The following MALRD1 variants were observed in gnomAD, a reference collection of about 807,000 sequenced individuals.
MALRD1 encodes the protein MAM and LDL-receptor class A domain-containing protein 1.
MALRD1 carries 247 observed loss-of-function variants against 242.1 expected under a neutral mutation model. That is an observed-to-expected ratio of 1.02 (90% CI 0.92 to 1.13). The LOEUF is 1.13. MALRD1 is among the 50% of genes most tolerant of loss of function. The pLI is 0.00. For missense variants in MALRD1, 2,989 were observed against 2,533.1 expected, an observed-to-expected ratio of 1.18 and a Z score of -3.86; for synonymous variants, 995 against 866.6, an observed-to-expected ratio of 1.15 and a Z score of -2.60.
intron 29 of MALRD1, among the ~76,000 whole-genome samples, chr10:19,469,798 T>A (rs770155562): frequency 2.4e-4 from 36 of 152,174 alleles, no homozygotes; most frequent in Non-Finnish European, 4.7e-4. Flanking sequence ...TTTATTCAAG[T>A]GTGATTGCCA....
intron 36 of MALRD1, among the ~76,000 whole-genome samples, chr10:19,622,177 AAATT>A (rs1323175861): frequency 2.7e-5 from 4 of 147,116 alleles, no homozygotes; most frequent in African/African-American, 9.8e-5. Context: ...TAAGAAAAAA[AAATT>A]ATTAAGAATC....
At chr10:19,058,729 C>T (rs1228008323) in intron 1 of MALRD1, among the ~76,000 whole-genome samples, 1 of 151,932 alleles carries the variant, frequency 6.6e-6, no homozygotes, top group Non-Finnish European at 1.5e-5. Context: ...ACAACTCAAA[C>T]ACACAAAAAG....
chr10:19,365,514 T>C (rs537903496), intron 26 of MALRD1, among the ~76,000 whole-genome samples: 1 of 152,152 alleles, frequency 6.6e-6, no homozygotes, highest in South Asian at 2.1e-4. Flanking sequence ...AAGTCTTTTT[T>C]TTTCCTTTTA....
chr10:19,230,244 C>T (rs900101400), intron 18 of MALRD1, among the ~76,000 whole-genome samples: 2 of 152,074 alleles, frequency 1.3e-5, no homozygotes, highest in South Asian at 2.1e-4. Flanking sequence ...TCAACTAATA[C>T]ACTGTCCATG....
chr10:19,305,207 G>A (rs1396597135), intron 21 of MALRD1, among the ~76,000 whole-genome samples: 1 of 151,604 alleles, frequency 6.6e-6, no homozygotes, highest in Non-Finnish European at 1.5e-5. Context: ...AGTGGAATGA[G>A]GCAATAAGAA....
At chr10:19,047,306 G>A (rs1834360672), upstream of MALRD1, among the ~76,000 whole-genome samples, 1 of 151,926 alleles carries the variant, frequency 6.6e-6, no homozygotes, top group African/African-American at 2.4e-5. Flanking sequence ...TTGGCGGTGG[G>A]GGAAAGGAAA....
At chr10:19,597,589 TTA>T (rs1838158291) in intron 34 of MALRD1, among the ~76,000 whole-genome samples, 1 of 152,194 alleles carries the variant, frequency 6.6e-6, no homozygotes, top group Non-Finnish European at 1.5e-5. Context: ...ATTCATTCAT[TTA>T]TTCACAAACC....
intron 8 of MALRD1, among the ~76,000 whole-genome samples, chr10:19,129,909 T>C (rs1021657308): frequency 1.3e-5 from 2 of 150,284 alleles, no homozygotes; most frequent in Middle Eastern, 3.2e-3. Flanking sequence ...GTCATATATA[T>C]ATCACATATC....
At chr10:19,325,174 G>T (rs1275171447) in intron 22 of MALRD1, among the ~76,000 whole-genome samples, 1 of 151,090 alleles carries the variant, frequency 6.6e-6, no homozygotes, top group Non-Finnish European at 1.5e-5. Context: ...TATCAATGTG[G>T]ACTCATAAGT....
rs570708223 is a variant in MALRD1 at position 19,078,239 on chromosome 10, G to A, written c.341-9601G>A. Among the ~76,000 whole-genome samples, 4 of 151,888 alleles carry A rather than the reference G, an allele frequency of 2.6e-5. No homozygotes were observed. In the East Asian group the frequency reaches 7.8e-4, roughly 30 times the overall value. On this transcript the variant is annotated intron_variant, in intron 2 of 39. Transcript: ENST00000454679. ...ATATGTATACATGTGCCATGTTGGT[G>A]TGCTGCACCCATTCACTTTTATTAT...
intron 33 of MALRD1, among the ~76,000 whole-genome samples, chr10:19,589,525 A>C (rs1837647973): frequency 6.6e-6 from 1 of 152,180 alleles, no homozygotes; most frequent in Non-Finnish European, 1.5e-5. Flanking sequence ...CACTCCCTAA[A>C]GCACATAAAC....
At chr10:19,376,542 C>CTTTT (rs57836152) in intron 26 of MALRD1, among the ~76,000 whole-genome samples, 15 of 94,984 alleles carry the variant, frequency 1.6e-4, no homozygotes, top group Non-Finnish European at 2.5e-4. Flanking sequence ...TTGATACATT[C>CTTTT]TTTTTTTTTT....
chr10:19,611,667 TACTC>T (rs1021334720), intron 35 of MALRD1, among the ~76,000 whole-genome samples: 1 of 152,052 alleles, frequency 6.6e-6, no homozygotes, highest in African/African-American at 2.4e-5. Context: ...CTCCTGGAAA[TACTC>T]AGCCTCTTCA....
At chr10:19,388,059 C>A (rs1371343608) in intron 27 of MALRD1, among the ~76,000 whole-genome samples, 1 of 152,138 alleles carries the variant, frequency 6.6e-6, no homozygotes, top group African/African-American at 2.4e-5. Flanking sequence ...GGAGCATGAT[C>A]TCTTCCATGT....
At position 19,623,575 on chromosome 10, in the gene MALRD1, TG is replaced by T. The variant is rs1476208559; in HGVS notation, c.6137+7653del. 5.9e-5 allele frequency among the ~76,000 whole-genome samples: 9 copies of T among 152,262 alleles called. No homozygotes were observed. In the East Asian group the frequency reaches 1.7e-3, roughly 29 times the overall value. ...AAGAACTAAGAACCAGAGAAGCCAG[TG>T]CTTTAACTCCCAGTCCAAGGCTGTA... On this transcript the variant is annotated intron_variant, in intron 36 of 39. Transcript: ENST00000454679.
At chr10:19,325,817 C>T (rs1843101694) in intron 22 of MALRD1, among the ~76,000 whole-genome samples, 1 of 152,038 alleles carries the variant, frequency 6.6e-6, no homozygotes, top group Admixed American at 6.6e-5. Context: ...ACGTGAGTTT[C>T]CTGCTTTCTT....
intron 5 of MALRD1, among the ~76,000 whole-genome samples, chr10:19,116,132 G>GA (rs903851378): frequency 6.0e-5 from 9 of 150,820 alleles, no homozygotes; most frequent in African/African-American, 9.7e-5. Context: ...TAGCTAGTAT[G>GA]AAAAAAAAAT....
At chr10:19,390,676 T>A (rs1190552141) in intron 28 of MALRD1, among the ~76,000 whole-genome samples, 1 of 152,182 alleles carries the variant, frequency 6.6e-6, no homozygotes, top group African/African-American at 2.4e-5. Flanking sequence ...TTGCTTTTTT[T>A]TTTAATGACA....
intron 21 of MALRD1, among the ~76,000 whole-genome samples, chr10:19,292,099 A>AG (rs1841463588): frequency 6.6e-6 from 1 of 151,676 alleles, no homozygotes; most frequent in African/African-American, 2.4e-5. Context: ...AAAAAAAAAA[A>AG]AAATCAAATT....
Sources: gnomAD v4.1 joint callset for allele counts (sites outside exome capture counted in the v4.1 genomes callset) on GRCh38, gnomAD v4.1.1 for gene constraint, MANE v1.5 for transcripts, NCBI Gene and HGNC (gene_info 2026-07-23, HGNC 2026-07-21) for gene names.